PTPRD: variants seen among roughly 807,000 people sequenced by gnomAD.
The protein encoded by PTPRD is protein tyrosine phosphatase receptor type D.
Under a neutral mutation model 214.5 loss-of-function variants are expected in PTPRD, and 34 were observed. The observed-to-expected ratio is 0.16, with a 90% CI of 0.12 to 0.21. PTPRD has a LOEUF of 0.21. PTPRD is among the 10% of genes least tolerant of loss of function. The probability of loss-of-function intolerance (pLI) is 1.00; values close to 1 mark genes in which losing one functional copy is unlikely to be tolerated. For missense variants in PTPRD, 2,545 were observed against 2,398.7 expected (o/e 1.06, Z -1.27); for synonymous variants, 1,128 against 845.7 (o/e 1.33, Z -5.79).
At position 9,100,493 on chromosome 9, in the gene PTPRD, C is replaced by T. The variant is rs187898118; in HGVS notation, c.-142-81758G>A. ...CCACATTTCTTCTTCTATGATGGAACAGGATGACATGACCCAGAAGACAAT... is the reference window on the plus strand; with the variant it reads ...CCACATTTCTTCTTCTATGATGGAATAGGATGACATGACCCAGAAGACAAT... On this transcript the variant is annotated intron_variant, in intron 10 of 45. Transcript: ENST00000381196. Among the ~76,000 whole-genome samples, 20 of 152,234 alleles carry T rather than the reference C, an allele frequency of 1.3e-4. No individual in the cohort carries two copies. In the East Asian group the frequency reaches 3.3e-3, roughly 25 times the overall value.
intron 19 of PTPRD, among the ~76,000 whole-genome samples, chr9:8,523,112 A>T (rs1257799204): frequency 1.3e-5 from 2 of 152,138 alleles, no homozygotes; most frequent in Non-Finnish European, 2.9e-5. Context: ...ATATCAAGAA[A>T]AATGGAGGAG....
At chr9:8,845,572 TA>T (rs1238780942) in intron 11 of PTPRD, among the ~76,000 whole-genome samples, 8 of 152,344 alleles carry the variant, frequency 5.3e-5, no homozygotes, top group African/African-American at 1.9e-4. Flanking sequence ...CATTCACTGA[TA>T]AGCTGGCACA....
chr9:8,449,180 G>A (rs913374489), intron 34 of PTPRD, among the ~76,000 whole-genome samples: 1 of 152,086 alleles, frequency 6.6e-6, no homozygotes, highest in Non-Finnish European at 1.5e-5. Flanking sequence ...TTTCTCTCTA[G>A]TAAGAAGCCT....
At chr9:9,150,379 T>C (rs1167884438) in intron 10 of PTPRD, among the ~76,000 whole-genome samples, 1 of 150,246 alleles carries the variant, frequency 6.7e-6, no homozygotes, top group Non-Finnish European at 1.5e-5. Context: ...GTCTTTTACA[T>C]CATGGAGCTT....
At chr9:10,552,339 T>C (rs75534774) in intron 2 of PTPRD, among the ~76,000 whole-genome samples, 5,769 of 152,272 alleles carry the variant, frequency 0.038, 195 homozygotes, top group Middle Eastern at 0.075. Context: ...TATCACACCA[T>C]GCTTTTGGAT....
At chr9:9,091,091 C>T (rs1044183550) in intron 10 of PTPRD, 4 of 1,415,082 alleles carry the variant, frequency 2.8e-6, no homozygotes, top group African/African-American at 1.4e-5. Context: ...TATGTGCTTC[C>T]CAAGCTGTAT....
At chr9:8,749,107 G>C (rs983852479) in intron 11 of PTPRD, among the ~76,000 whole-genome samples, 46 of 152,020 alleles carry the variant, frequency 3.0e-4, no homozygotes, top group Non-Finnish European at 5.3e-4. Context: ...AAAAAAAGTA[G>C]AAGTTCTATA....
At chr9:9,791,214 T>C (rs1225346742) in intron 5 of PTPRD, among the ~76,000 whole-genome samples, 2 of 152,150 alleles carry the variant, frequency 1.3e-5, no homozygotes, top group Non-Finnish European at 2.9e-5. Flanking sequence ...TTTAGTTATA[T>C]CCTCAGTTAA....
At position 9,884,163 on chromosome 9, in the gene PTPRD, C is replaced by CT. The variant is rs1172663652; in HGVS notation, c.-368+54343dup. 3.9e-5 allele frequency among the ~76,000 whole-genome samples: 6 copies of CT among 152,186 alleles called. No individual in the cohort carries two copies. In the East Asian group the frequency reaches 5.8e-4, roughly 15 times the overall value. On this transcript the variant is annotated intron_variant, in intron 5 of 45. Transcript: ENST00000381196. ...AGCAGTGAAGTTTATTTTGGTCCCT[C>CT]TAAGCCTCCCCATCATCCTTCAAAC...
intron 8 of PTPRD, among the ~76,000 whole-genome samples, chr9:9,488,945 G>A (rs1161873329): frequency 6.6e-6 from 1 of 152,118 alleles, no homozygotes; most frequent in South Asian, 2.1e-4. Context: ...GCTGATTGCT[G>A]CTTCTGAACA....
intron 4 of PTPRD, among the ~76,000 whole-genome samples, chr9:9,995,030 G>C (rs1376200964): frequency 6.6e-6 from 1 of 151,970 alleles, no homozygotes; most frequent in African/African-American, 2.4e-5. Context: ...AGTTTATTAA[G>C]TTTAAGCTTA....
At chr9:10,064,022 T>A (rs1182529062) in intron 3 of PTPRD, among the ~76,000 whole-genome samples, 1 of 151,880 alleles carries the variant, frequency 6.6e-6, no homozygotes, top group Non-Finnish European at 1.5e-5. Flanking sequence ...TATTTTCTGT[T>A]TTTTTTTCAG....
chr9:9,242,779 G>C (rs1225163091), intron 9 of PTPRD, among the ~76,000 whole-genome samples: 2 of 151,994 alleles, frequency 1.3e-5, no homozygotes, highest in African/African-American at 4.8e-5. Context: ...CTTTCCGATG[G>C]TTTCAAACTC....
At chr9:9,065,041 C>T (rs1321373324) in intron 10 of PTPRD, among the ~76,000 whole-genome samples, 2 of 152,098 alleles carry the variant, frequency 1.3e-5, no homozygotes, top group African/African-American at 4.8e-5. Flanking sequence ...CACAAATATC[C>T]ACTGAGTATT....
rs150718554 is a variant in PTPRD at position 9,115,099 on chromosome 9, T to C, written c.-143+68205A>G. 2.0e-4 allele frequency among the ~76,000 whole-genome samples: 30 copies of C among 152,190 alleles called. No homozygotes were observed. In the East Asian group the frequency reaches 4.8e-3, roughly 25 times the overall value. ...TTTACTTACACTCTAGTCTACGGTG[T>C]TGTTGGAGGTAGAATAATTTTTTAC... On this transcript the variant is annotated intron_variant, in intron 10 of 45. Coordinates refer to ENST00000381196, the MANE Select transcript of PTPRD (RefSeq NM_002839.4).
intron 3 of PTPRD, among the ~76,000 whole-genome samples, chr9:10,098,360 G>T (rs1360385988): frequency 7.5e-6 from 1 of 133,438 alleles, no homozygotes; most frequent in Non-Finnish European, 1.6e-5. Context: ...GGGGGAGGGG[G>T]GAGGGATAGC....
At chr9:9,225,960 T>A (rs1474791489) in intron 9 of PTPRD, among the ~76,000 whole-genome samples, 1 of 151,982 alleles carries the variant, frequency 6.6e-6, no homozygotes, top group Non-Finnish European at 1.5e-5. Flanking sequence ...TCCTAATATA[T>A]TTTTTGTTTT....
intron 7 of PTPRD, among the ~76,000 whole-genome samples, chr9:9,721,948 G>A (rs958737985): frequency 1.3e-5 from 2 of 152,018 alleles, no homozygotes; most frequent in Non-Finnish European, 2.9e-5. Context: ...TTGTACATAT[G>A]ATTTTTTAAA....
At chr9:9,620,307 A>G (rs1427560108) in intron 7 of PTPRD, among the ~76,000 whole-genome samples, 1 of 152,162 alleles carries the variant, frequency 6.6e-6, no homozygotes, top group Non-Finnish European at 1.5e-5. Context: ...CATGAAGGTA[A>G]GAACTATGCC....
Sources: gnomAD v4.1 joint callset for allele counts (sites outside exome capture counted in the v4.1 genomes callset) on GRCh38, gnomAD v4.1.1 for gene constraint, MANE v1.5 for transcripts, NCBI Gene and HGNC (gene_info 2026-07-23, HGNC 2026-07-21) for gene names.